Variants in NRG2 observed in about 807,000 individuals in gnomAD.
NRG2 encodes the protein pro-neuregulin-2, membrane-bound isoform.
In NRG2, 27 loss-of-function variants were observed where a neutral mutation model predicts 73.9. That is an observed-to-expected ratio of 0.37 (90% CI 0.27 to 0.50). NRG2 has a LOEUF of 0.50. Among genes scored for constraint, NRG2 ranks in the 20% least tolerant of loss-of-function variants. The pLI is 0.96. For missense variants in NRG2, 1,126 were observed against 1,210.1 expected, an observed-to-expected ratio of 0.93 and a Z score of 1.03; for synonymous variants, 532 against 541.0, an observed-to-expected ratio of 0.98 and a Z score of 0.23.
intron 1 of NRG2, among the ~76,000 whole-genome samples, chr5:139,996,769 C>A (rs983667917): frequency 6.6e-6 from 1 of 152,218 alleles, no homozygotes. Flanking sequence ...CCATCAATTA[C>A]CTCTTTTAGT....
chr5:139,999,195 A>G (rs1460489099), intron 1 of NRG2, among the ~76,000 whole-genome samples: 5 of 152,064 alleles, frequency 3.3e-5, no homozygotes, highest in African/African-American at 9.7e-5. Flanking sequence ...AGGAACCTTA[A>G]TAATACACCC....
At chr5:139,924,026 C>G (rs1751867924) in intron 1 of NRG2, among the ~76,000 whole-genome samples, 1 of 151,050 alleles carries the variant, frequency 6.6e-6, no homozygotes, top group Non-Finnish European at 1.5e-5. Context: ...TTCAGGATGG[C>G]AAGAGGAAGC....
intron 1 of NRG2, among the ~76,000 whole-genome samples, chr5:139,945,331 C>T (rs1446616435): frequency 2.6e-5 from 4 of 152,028 alleles, no homozygotes; most frequent in East Asian, 1.9e-4. Flanking sequence ...GACCAATGTC[C>T]TGAAGCATTT....
intron 1 of NRG2, among the ~76,000 whole-genome samples, chr5:140,011,054 T>TATATATAAGA (rs1185931554): frequency 6.6e-6 from 1 of 152,202 alleles, no homozygotes; most frequent in African/African-American, 2.4e-5. Context: ...GACCAAAAAC[T>TATATATAAGA]AAACAGGTCG....
intron 1 of NRG2, among the ~76,000 whole-genome samples, chr5:139,892,531 C>A (rs1581881639): frequency 6.6e-6 from 1 of 152,172 alleles, no homozygotes; most frequent in Non-Finnish European, 1.5e-5. Context: ...GGACCTCAGA[C>A]ATGACTGGGC....
At chr5:139,849,754 CA>C (rs983011536) in intron 9 of NRG2, among the ~76,000 whole-genome samples, 22 of 152,202 alleles carry the variant, frequency 1.4e-4, no homozygotes, top group Admixed American at 4.6e-4. Context: ...TCTGATTAAC[CA>C]CCAAGTCCTA....
At chr5:140,041,177 A>G (rs1284231398) in intron 1 of NRG2, among the ~76,000 whole-genome samples, 9 of 152,222 alleles carry the variant, frequency 5.9e-5, no homozygotes, top group Non-Finnish European at 5.9e-5. Flanking sequence ...TCAGTTGGTA[A>G]AACTGGTAAA....
At chr5:139,911,781 A>G (rs932545121) in intron 1 of NRG2, among the ~76,000 whole-genome samples, 1 of 152,048 alleles carries the variant, frequency 6.6e-6, no homozygotes, top group Non-Finnish European at 1.5e-5. Context: ...GGGTGATTCA[A>G]CCCTTCTGCC....
chr5:139,956,732 G>T (rs1477719561), intron 1 of NRG2, among the ~76,000 whole-genome samples: 1 of 152,216 alleles, frequency 6.6e-6, no homozygotes, highest in Non-Finnish European at 1.5e-5. Context: ...ATGTCAACAG[G>T]CAGGATGTGG....
chr5:139,927,682 T>G (rs570380272), intron 1 of NRG2, among the ~76,000 whole-genome samples: 1 of 150,216 alleles, frequency 6.7e-6, no homozygotes, highest in East Asian at 2.0e-4. Flanking sequence ...GAGAATCACT[T>G]GAACCCGGAA....
intron 2 of NRG2, among the ~76,000 whole-genome samples, chr5:139,885,498 A>C (rs1048381736): frequency 6.6e-6 from 1 of 152,346 alleles, no homozygotes; most frequent in African/African-American, 2.4e-5. Flanking sequence ...GAGAGTGCGC[A>C]GTCAGTGGGC....
intron 1 of NRG2, among the ~76,000 whole-genome samples, chr5:139,910,603 A>G (rs1372563650): frequency 2.0e-5 from 3 of 152,334 alleles, no homozygotes; most frequent in Admixed American, 6.5e-5. Context: ...AGGACGCTTG[A>G]AAAGGGCCCA....
chr5:140,042,931 TGCTGCTGCCGCTCTC>T lies in NRG2; in HGVS notation c.124_138del (p.Glu42_Ser46del). 1 of 1,538,898 alleles carries T rather than the reference TGCTGCTGCCGCTCTC, an allele frequency of 6.5e-7. No individual in the cohort carries two copies. On this transcript the variant is annotated inframe_deletion, in exon 1 of 10. Transcript: ENST00000361474. ...CTGCTGTTGTTGCTGCTGCTCCTGC[TGCTGCTGCCGCTCTC>T]GCTGCTGCTGCTGCTGCTGCTGCTG... is the stretch of plus-strand genomic sequence containing the variant.
chr5:139,946,927 A>T (rs1286064790), intron 1 of NRG2, among the ~76,000 whole-genome samples: 1 of 152,128 alleles, frequency 6.6e-6, no homozygotes, highest in African/African-American at 2.4e-5. Context: ...AAGATGCTTA[A>T]CATCACTAAT....
chr5:139,972,617 G>A (rs895853689), intron 1 of NRG2, among the ~76,000 whole-genome samples: 3 of 152,206 alleles, frequency 2.0e-5, no homozygotes, highest in South Asian at 2.1e-4. Context: ...CCAGCTACTC[G>A]GGAGGCTGAG....
intron 1 of NRG2, among the ~76,000 whole-genome samples, chr5:140,041,965 G>C (rs1263931235): frequency 2.0e-5 from 3 of 151,972 alleles, no homozygotes; most frequent in Admixed American, 1.3e-4. Flanking sequence ...GCCTGGGCAC[G>C]GCAGGCCCGC....
chr5:139,852,854 G>T lies in NRG2; in HGVS notation c.1416+50C>A, dbSNP rs778112295. 6 of 1,609,446 alleles carry T rather than the reference G, an allele frequency of 3.7e-6. No individual in the cohort carries two copies. In the African/African-American group the frequency reaches 4.0e-5, roughly 11 times the overall value. ...CCATCCTTGCAGGGGGCATGAGAAG[G>T]CTGGCTGTCCACTGAGGGCTCAGAA... On this transcript the variant is annotated intron_variant, in intron 7 of 9. Transcript: ENST00000361474. This position sits in a 1 kb window ranked among gnomAD's most constrained non-coding sequence, Gnocchi z 4.4.
intron 1 of NRG2, among the ~76,000 whole-genome samples, chr5:140,035,816 G>T (rs1330889941): frequency 1.3e-5 from 2 of 152,076 alleles, no homozygotes. Context: ...GGGAGCCAGT[G>T]TCCTCAGCAC....
intron 1 of NRG2, among the ~76,000 whole-genome samples, chr5:139,959,980 G>A (rs1054615381): frequency 6.6e-6 from 1 of 152,094 alleles, no homozygotes; most frequent in East Asian, 1.9e-4. Flanking sequence ...TCTATCCCTG[G>A]GTCCTGGGCT....
Sources: allele counts gnomAD v4.1 joint callset (sites outside exome capture counted in the v4.1 genomes callset), GRCh38; gene constraint gnomAD v4.1.1; non-coding constraint Gnocchi (gnomAD v3.1); transcripts MANE v1.5; gene names NCBI Gene and HGNC (gene_info 2026-07-23, HGNC 2026-07-21).